Variants in CCDC82 observed in about 807,000 individuals in gnomAD.
CCDC82 encodes the protein coiled-coil domain containing 82.
Under a neutral mutation model 60.6 loss-of-function variants are expected in CCDC82, and 47 were observed. The observed-to-expected ratio is 0.77, with a 90% CI of 0.61 to 0.99. The LOEUF is 0.99. CCDC82 is among the 50% of genes least tolerant of loss of function. CCDC82 has a pLI of 0.00. For missense variants in CCDC82, 588 were observed against 633.0 expected, an observed-to-expected ratio of 0.93 and a Z score of 0.76; for synonymous variants, 212 against 207.4, an observed-to-expected ratio of 1.02 and a Z score of -0.19.
chr11:96,356,570 A>G lies in CCDC82; in HGVS notation c.1566+2423T>C, dbSNP rs113039587. 662 of 985,070 alleles carry G rather than the reference A, an allele frequency of 6.7e-4. 1 individual carries two copies. In the African/African-American group the frequency reaches 0.01, roughly 15 times the overall value. The allele number at this position is 985,070 out of a possible 1,614,324, so 61.0% of individuals were successfully genotyped here. A position where few individuals can be genotyped will look rare whatever the true frequency, so the allele number is the denominator to read the frequency against. On this transcript the variant is annotated intron_variant, in intron 9 of 9. Coordinates refer to ENST00000646818, the MANE Select transcript of CCDC82 (RefSeq NM_024725.4). The stretch of plus-strand genomic sequence containing the variant: ...TATACACTTTCTTCTTAATGAACAA[A>G]TATTCGTTAGAATTTTGCCAGTGTC...
intron 8 of CCDC82, 69 bp from the exon 9 acceptor site, chr11:96,359,247 T>C: frequency 1.6e-6 from 2 of 1,267,744 alleles, no homozygotes; most frequent in African/African-American, 1.5e-5. Context: ...GGATTTTCTT[T>C]AGTAGTAGAA....
intron 8 of CCDC82, among the ~76,000 whole-genome samples, chr11:96,362,525 G>A (rs1253775709): frequency 1.3e-5 from 2 of 152,126 alleles, no homozygotes; most frequent in African/African-American, 4.8e-5. Context: ...AAGGAGTCTG[G>A]ATAGACTCTG....
chr11:96,387,162 T>C (rs932524145), intron 2 of CCDC82: 2 of 152,174 alleles, frequency 1.3e-5, no homozygotes, highest in African/African-American at 2.4e-5. Flanking sequence ...ATGAAAACAA[T>C]GACAAATATG....
rs1027191551 is a variant in CCDC82 at position 96,356,552 on chromosome 11, T to C, written c.1566+2441A>G. 9.1e-6 allele frequency: 9 copies of C among 985,184 alleles called. No individual in the cohort carries two copies. In the African/African-American group the frequency reaches 1.4e-4, roughly 15 times the overall value. The allele number at this position is 985,184 out of a possible 1,614,324, so 61.0% of individuals were successfully genotyped here. A position where few individuals can be genotyped will look rare whatever the true frequency, so the allele number is the denominator to read the frequency against. On this transcript the variant is annotated intron_variant, in intron 9 of 9. Coordinates refer to ENST00000646818, the MANE Select transcript of CCDC82 (RefSeq NM_024725.4). Reference sequence around the variant, plus strand: ...CAGGAAGTCCCATCATCATATACACTTTCTTCTTAATGAACAAATATTCGT... The same window carrying C: ...CAGGAAGTCCCATCATCATATACACCTTCTTCTTAATGAACAAATATTCGT...
chr11:96,379,846 T>A (rs904340183), intron 5 of CCDC82, among the ~76,000 whole-genome samples: 1 of 151,834 alleles, frequency 6.6e-6, no homozygotes, highest in African/African-American at 2.4e-5. Flanking sequence ...GATAAATGTT[T>A]GGGAATTTCT....
chr11:96,388,373 G>C (rs1158630783), intron 1 of CCDC82: 4 of 152,132 alleles, frequency 2.6e-5, no homozygotes, highest in Non-Finnish European at 5.9e-5. Flanking sequence ...CTTCTGTAAT[G>C]ATACCTTACC....
Position 96,384,526 on chromosome 11 carries a change from A to G in CCDC82, c.222T>C (p.Asp74=). 6.2e-7 allele frequency: 1 copy of G among 1,613,690 alleles called. No homozygotes were observed. Among genetic ancestry groups the G allele is most frequent in the Middle Eastern group, 1.7e-4 (1 of 6,060 alleles). ...DEELDSNKGP[D]CNKTPGSERE... ...TTTCACTTCCTGGTGTTTTATTACA[A>G]TCAGGTCCCTTGTTACTATCAAGCT... Residue 74 remains aspartate, a synonymous_variant, in exon 4 of 10, where the codon GAT becomes GAC. Transcript: ENST00000646818.
intron 5 of CCDC82, among the ~76,000 whole-genome samples, chr11:96,377,060 C>G (rs1156300140): frequency 6.6e-6 from 1 of 152,114 alleles, no homozygotes; most frequent in Non-Finnish European, 1.5e-5. Context: ...TTTCAAGAAC[C>G]AAGAGAATGT....
At chr11:96,385,263 G>A (rs1040907200) in intron 3 of CCDC82, 2 of 152,506 alleles carry the variant, frequency 1.3e-5, no homozygotes, top group Non-Finnish European at 2.9e-5. Flanking sequence ...GGGATGTCAG[G>A]CAAGTAATAT....
At chr11:96,364,739 T>C in intron 8 of CCDC82, 1 of 353,092 alleles carries the variant, frequency 2.8e-6, no homozygotes. Context: ...CTTAACTATG[T>C]GGTGATTGCT....
At chr11:96,357,869 G>C (rs1864427126) in intron 9 of CCDC82, 5 of 985,260 alleles carry the variant, frequency 5.1e-6, no homozygotes, top group Non-Finnish European at 4.8e-6. Context: ...AGTAGGAGAA[G>C]TAGAAGCAAA....
chr11:96,384,700 G>A lies in CCDC82; in HGVS notation c.48C>T (p.His16=), dbSNP rs765614219. 7 of 1,611,312 alleles carry A rather than the reference G, an allele frequency of 4.3e-6. No individual in the cohort carries two copies. The South Asian group carries it at 4.4e-5, about 10-fold the overall frequency. Residue 16 remains histidine (H), a synonymous_variant, in exon 4 of 10, where the codon CAC becomes CAT. Coordinates refer to ENST00000646818, the MANE Select transcript of CCDC82 (RefSeq NM_024725.4). The stretch of plus-strand genomic sequence containing the variant: ...CAACTCGAGATTTCTGCTCAGGCAC[G>A]TGACTCTTAGAATTTCTCCTTGTTT... ...RHETRRNSKS[H]VPEQKSRVDW... is the part of the protein sequence containing the mutation.
chr11:96,384,265 G>A lies in CCDC82; in HGVS notation c.483C>T (p.Asn161=), dbSNP rs1215040543. ...CCTCTATTATTTGTCCAGTTTGTTT[G>A]TTGAGATCATTATCCTCTTGACTTA... ...KHLSQEDNDL[N]KQTGQIIEDD... is the part of the protein sequence containing the mutation. The change falls in exon 4 of 10, where the codon AAC becomes AAT. Residue 161 remains asparagine, a synonymous_variant. Coordinates refer to ENST00000646818, the MANE Select transcript of CCDC82 (RefSeq NM_024725.4). 2 of 1,613,586 alleles carry A rather than the reference G, an allele frequency of 1.2e-6. No individual in the cohort carries two copies. Among genetic ancestry groups the A allele is most frequent in the East Asian group, 2.2e-5 (1 of 44,854 alleles).
At chr11:96,369,991 GAAGA>G (rs1228375174) in intron 7 of CCDC82, among the ~76,000 whole-genome samples, 11 of 152,176 alleles carry the variant, frequency 7.2e-5, no homozygotes, top group Non-Finnish European at 1.6e-4. Flanking sequence ...CACCTATGAA[GAAGA>G]AATGGGTTCA....
chr11:96,388,309 C>T (rs1258160454), intron 1 of CCDC82: 1 of 152,192 alleles, frequency 6.6e-6, no homozygotes, highest in African/African-American at 2.4e-5. Flanking sequence ...ATGAATGTTA[C>T]TTCTGTATAT....
intron 2 of CCDC82, 43 bp from the exon 3 acceptor site, chr11:96,386,336 A>G (rs1158115584): frequency 6.6e-6 from 1 of 152,306 alleles, no homozygotes; most frequent in African/African-American, 2.4e-5. Flanking sequence ...TTAATTGTAC[A>G]AATTCTGGTA....
At chr11:96,372,907 G>A (rs1380276377) in intron 6 of CCDC82, among the ~76,000 whole-genome samples, 1 of 151,872 alleles carries the variant, frequency 6.6e-6, no homozygotes, top group Non-Finnish European at 1.5e-5. Context: ...TAAATATTAT[G>A]TGAATGGGTC....
chr11:96,376,912 CTCTTGGATATT>C (rs952634905), intron 5 of CCDC82, among the ~76,000 whole-genome samples: 1 of 152,106 alleles, frequency 6.6e-6, no homozygotes, highest in African/African-American at 2.4e-5. Flanking sequence ...TAGTCAGATT[CTCTTGGATATT>C]TCTGGGAGAT....
intron 6 of CCDC82, among the ~76,000 whole-genome samples, chr11:96,372,016 C>A (rs938716808): frequency 1.3e-5 from 2 of 152,030 alleles, no homozygotes; most frequent in African/African-American, 4.8e-5. Context: ...AATTCAAACA[C>A]CTTACCATAG....
Sources: allele counts gnomAD v4.1 joint callset (sites outside exome capture counted in the v4.1 genomes callset), GRCh38; gene constraint gnomAD v4.1.1; transcripts MANE v1.5; gene names NCBI Gene and HGNC (gene_info 2026-07-23, HGNC 2026-07-21).